XIRP2: variants seen among roughly 807,000 people sequenced by gnomAD.
The protein encoded by XIRP2 is xin actin binding repeat containing 2.
XIRP2 carries 236 observed loss-of-function variants against 277.0 expected under a neutral mutation model. The ratio of observed to expected loss-of-function variants is 0.85; its 90% CI spans 0.77 to 0.95. The LOEUF is 0.95. Ranked by LOEUF, XIRP2 falls within the 40% of genes least tolerant of loss-of-function variation. The probability of loss-of-function intolerance (pLI) is 0.00; values close to 1 mark genes in which losing one functional copy is unlikely to be tolerated. For synonymous variants in XIRP2, 1,490 were observed against 1,416.5 expected (o/e 1.05, Z -1.17); for missense variants, 4,640 against 4,157.5 (o/e 1.12, Z -3.19).
intron 2 of XIRP2, among the ~76,000 whole-genome samples, chr2:167,071,126 A>G (rs187060959): frequency 2.0e-5 from 3 of 152,112 alleles, no homozygotes; most frequent in Middle Eastern, 3.2e-3. Context: ...GGTTATTAGC[A>G]CTCTCCTAAG....
At chr2:167,105,613 G>C (rs572094841) in intron 2 of XIRP2, among the ~76,000 whole-genome samples, 1 of 151,948 alleles carries the variant, frequency 6.6e-6, no homozygotes, top group South Asian at 2.1e-4. Context: ...TACTATGAAT[G>C]TGAATATTCA....
At chr2:167,120,616 T>C (rs1691029886) in intron 2 of XIRP2, among the ~76,000 whole-genome samples, 2 of 152,188 alleles carry the variant, frequency 1.3e-5, no homozygotes, top group African/African-American at 4.8e-5. Flanking sequence ...TCATGAGAGA[T>C]GAAAGAAGAT....
intron 1 of XIRP2, 44 bp from the exon 2 acceptor site, chr2:166,903,421 G>T: frequency 6.5e-7 from 1 of 1,531,572 alleles, no homozygotes; most frequent in South Asian, 1.3e-5. Flanking sequence ...AAATGACTCA[G>T]ACTCCTGAGT....
chr2:166,959,774 GAGT>G (rs1163238885), intron 2 of XIRP2, among the ~76,000 whole-genome samples: 2 of 151,556 alleles, frequency 1.3e-5, no homozygotes, highest in East Asian at 3.9e-4. Flanking sequence ...TGAAGAAAAC[GAGT>G]TTCAGAGGTT....
chr2:167,245,846 G>C lies in XIRP2; in HGVS notation c.4454G>C (p.Gly1485Ala). ...KTVTQEDVQK[G>A]DVKQAVWLFE... ...GTCACTCAGGAAGATGTGCAGAAAG[G>C]TGATGTTAAGCAGGCTGTGTGGCTT... is the stretch of plus-strand genomic sequence containing the variant. The change falls in exon 9 of 11, where the codon GGT (glycine) becomes GCT (alanine). Residue 1485 changes from glycine (G) to alanine (A), a missense_variant. Transcript: ENST00000409195. 1 of 1,613,750 alleles carries C rather than the reference G, an allele frequency of 6.2e-7. No homozygotes were observed.
rs996799986 is a variant in XIRP2 at position 167,012,204 on chromosome 2, A to G, written c.408+108314A>G. Among the ~76,000 whole-genome samples the G allele has an allele frequency of 2.6e-5, 4 of 152,040 alleles. No individual in the cohort carries two copies. The South Asian group carries it at 6.2e-4, about 24-fold the overall frequency. ...CTTTCTCTTGTGGGCATTTAGTGCT[A>G]TAAATTTTCCTCTACACACTGCTTT... is the stretch of plus-strand genomic sequence containing the variant. On this transcript the variant is annotated intron_variant, in intron 2 of 10. Coordinates refer to ENST00000409195, the MANE Select transcript of XIRP2 (RefSeq NM_152381.6).
chr2:167,161,368 C>T (rs527508922), intron 3 of XIRP2, among the ~76,000 whole-genome samples: 20 of 152,218 alleles, frequency 1.3e-4, no homozygotes, highest in Middle Eastern at 3.4e-3. Flanking sequence ...GCAGAGGTTC[C>T]GCATGAGAGC....
chr2:166,897,149 G>C (rs1291984324), intron 1 of XIRP2, among the ~76,000 whole-genome samples: 1 of 152,166 alleles, frequency 6.6e-6, no homozygotes, highest in Non-Finnish European at 1.5e-5. Flanking sequence ...CTTTCTGAAA[G>C]ACTTTTCAAA....
In XIRP2 at chr2:167,242,600, C is replaced by T. The variant is rs375595066; in HGVS notation, c.1208C>T (p.Pro403Leu). 6.2e-7 allele frequency: 1 copy of T among 1,613,252 alleles called. No homozygotes were observed. Among genetic ancestry groups the T allele is most frequent in the Non-Finnish European group, 8.5e-7 (1 of 1,179,546 alleles). ...AGTGAATATGAAGAGACTTTCAAGC[C>T]ATCATCAGTTGTGAGTACCTCTTCC... ...TESEYEETFK[P>L]SSVVSTSSTS... Residue 403 changes from proline to leucine, a missense_variant, in exon 9 of 11, where the codon CCA (proline) becomes CTA (leucine). Pro to Leu is a moderately conservative substitution (Grantham distance 98). Transcript: ENST00000409195.
chr2:167,252,897 T>A (rs546127010), intron 9 of XIRP2, among the ~76,000 whole-genome samples: 4 of 151,986 alleles, frequency 2.6e-5, no homozygotes, highest in Non-Finnish European at 5.9e-5. Flanking sequence ...TGGTTCTTAA[T>A]GTGCTTGCTT....
intron 2 of XIRP2, among the ~76,000 whole-genome samples, chr2:167,023,024 C>T (rs1200482521): frequency 2.0e-5 from 3 of 152,236 alleles, no homozygotes; most frequent in South Asian, 2.1e-4. Flanking sequence ...CCTGAGGAAT[C>T]GCCACACGGA....
Position 167,245,845 on chromosome 2 carries a change from G to A in XIRP2, c.4453G>A (p.Gly1485Ser). The change falls in exon 9 of 11, where the codon GGT (glycine) becomes AGT (serine). Residue 1485 changes from glycine (G) to serine (S), a missense_variant. Gly to Ser is a moderately conservative substitution (Grantham distance 56). Transcript: ENST00000409195. ...AGTCACTCAGGAAGATGTGCAGAAA[G>A]GTGATGTTAAGCAGGCTGTGTGGCT... ...KTVTQEDVQK[G>S]DVKQAVWLFE... The A allele has an allele frequency of 6.2e-7, 1 of 1,613,710 alleles. No homozygotes were observed. The highest frequency in any genetic ancestry group is 2.2e-5 in the East Asian group (1 of 44,822).
At chr2:167,017,276 AAT>A (rs1190696910) in intron 2 of XIRP2, among the ~76,000 whole-genome samples, 20 of 152,040 alleles carry the variant, frequency 1.3e-4, no homozygotes, top group African/African-American at 4.8e-4. Flanking sequence ...TCTAACCTTC[AAT>A]TACTGTCACT....
chr2:167,080,465 T>A (rs1689699258), intron 2 of XIRP2, among the ~76,000 whole-genome samples: 1 of 151,994 alleles, frequency 6.6e-6, no homozygotes, highest in South Asian at 2.1e-4. Flanking sequence ...AGGGCCAGAA[T>A]CTAATGGGAT....
chr2:167,094,709 G>T (rs1038025132), intron 2 of XIRP2, among the ~76,000 whole-genome samples: 1 of 152,052 alleles, frequency 6.6e-6, no homozygotes, highest in African/African-American at 2.4e-5. Flanking sequence ...ATGCTGTTTT[G>T]GTTACTGTGG....
intron 2 of XIRP2, among the ~76,000 whole-genome samples, chr2:167,057,415 A>G (rs150773359): frequency 1.3e-3 from 198 of 152,308 alleles, no homozygotes; most frequent in African/African-American, 4.4e-3. Flanking sequence ...GGATAGGAGA[A>G]GAATAACATT....
chr2:167,189,074 C>T (rs1559013225), intron 3 of XIRP2, among the ~76,000 whole-genome samples: 1 of 152,158 alleles, frequency 6.6e-6, no homozygotes, highest in Admixed American at 6.6e-5. Flanking sequence ...GATAGCTTCC[C>T]ACTATTCTCA....
At chr2:166,937,063 T>A (rs1685539541) in intron 2 of XIRP2, among the ~76,000 whole-genome samples, 1 of 152,152 alleles carries the variant, frequency 6.6e-6, no homozygotes, top group Admixed American at 6.5e-5. Flanking sequence ...TGTTCTTCCA[T>A]TTGTTTGTGT....
chr2:167,233,954 A>G (rs1694829399), intron 5 of XIRP2, among the ~76,000 whole-genome samples: 1 of 151,664 alleles, frequency 6.6e-6, no homozygotes, highest in Non-Finnish European at 1.5e-5. Context: ...TAGTTTGTCA[A>G]ATAAATATTG....
Sources: gnomAD v4.1 joint callset for allele counts (sites outside exome capture counted in the v4.1 genomes callset) on GRCh38, gnomAD v4.1.1 for gene constraint, MANE v1.5 for transcripts, NCBI Gene and HGNC (gene_info 2026-07-23, HGNC 2026-07-21) for gene names.